Variants in PPFIBP2 observed in about 807,000 individuals in gnomAD.
PPFIBP2 encodes the protein PPFIB scaffold protein 2.
In PPFIBP2, 118 loss-of-function variants were observed where a neutral mutation model predicts 118.3. The ratio of observed to expected loss-of-function variants is 1.00; its 90% CI spans 0.86 to 1.16. The LOEUF (loss-of-function observed/expected upper bound fraction) is 1.16, where lower values mean the gene tolerates loss of function less well. Among genes scored for constraint, PPFIBP2 ranks in the 50% most tolerant of loss-of-function variants. The pLI is 0.00. For missense variants in PPFIBP2, 1,195 were observed against 1,073.1 expected (o/e 1.11, Z -1.59); for synonymous variants, 414 against 397.4 (o/e 1.04, Z -0.50).
At chr11:7,528,419 C>T (rs1850405266) in intron 1 of PPFIBP2, among the ~76,000 whole-genome samples, 1 of 152,226 alleles carries the variant, frequency 6.6e-6, no homozygotes, top group Non-Finnish European at 1.5e-5. Context: ...AGTATTTTCT[C>T]ATCCCTTCAA....
intron 1 of PPFIBP2, among the ~76,000 whole-genome samples, chr11:7,520,291 T>G (rs1217713528): frequency 1.3e-5 from 2 of 152,106 alleles, no homozygotes. Flanking sequence ...GGCCTCCCTT[T>G]TGGTTTTCAG....
intron 7 of PPFIBP2, among the ~76,000 whole-genome samples, chr11:7,624,884 A>G (rs1849780579): frequency 6.6e-6 from 1 of 152,230 alleles, no homozygotes; most frequent in African/African-American, 2.4e-5. Flanking sequence ...TACTTGCTCA[A>G]GGTCACCCAA....
chr11:7,585,093 G>GAGCCATC (rs1857894821), intron 3 of PPFIBP2, among the ~76,000 whole-genome samples: 1 of 152,192 alleles, frequency 6.6e-6, no homozygotes, highest in African/African-American at 2.4e-5. Flanking sequence ...TACAGGCAAA[G>GAGCCATC]AGCCATCATA....
At chr11:7,649,940 G>T (rs1853727233) in intron 21 of PPFIBP2, among the ~76,000 whole-genome samples, 1 of 152,174 alleles carries the variant, frequency 6.6e-6, no homozygotes, top group Admixed American at 6.5e-5. Context: ...AAGGAGAGGG[G>T]GAGGGAAAGA....
intron 4 of PPFIBP2, among the ~76,000 whole-genome samples, chr11:7,593,789 G>A (rs973384089): frequency 1.3e-5 from 2 of 152,144 alleles, no homozygotes; most frequent in South Asian, 4.1e-4. Flanking sequence ...GATCATCAAG[G>A]GAGCTTTTTC....
At chr11:7,632,825 A>T in intron 11 of PPFIBP2, 42 bp from the exon 12 acceptor site, 4 of 1,536,838 alleles carry the variant, frequency 2.6e-6, no homozygotes, top group Non-Finnish European at 3.6e-6. Flanking sequence ...GTGGTCCCCA[A>T]ACAGACTGTC....
intron 16 of PPFIBP2, 128 bp downstream of exon 16, chr11:7,641,748 A>G: frequency 1.0e-6 from 1 of 971,124 alleles, no homozygotes; most frequent in Non-Finnish European, 1.5e-6. Flanking sequence ...TTCATGTTCA[A>G]AGAGAAGAAT....
rs763512460 is a variant in PPFIBP2, at chr11:7,642,359, C to T, written c.1579C>T (p.Arg527Ter). 22 of 1,614,008 alleles carry T rather than the reference C, an allele frequency of 1.4e-5. No homozygotes were observed. The highest frequency in any genetic ancestry group is 7.7e-5 in the South Asian group (7 of 91,068). Reference protein sequence around the residue: ...TDTLGMAEFRRGGLRATAGPR... With the variant: ...TDTLGMAEFR Reference sequence around the variant, plus strand: ...CACGCTGGGGATGGCAGAGTTTCGACGAGGTGGGCTCCGGGCAACCGCAGG... The same window carrying T: ...CACGCTGGGGATGGCAGAGTTTCGATGAGGTGGGCTCCGGGCAACCGCAGG... The change falls in exon 17 of 24, where the codon CGA (arginine) becomes TGA (stop). Residue 527 changes from arginine (R) to a stop codon, truncating the protein, a stop_gained. Transcript: ENST00000299492. LOFTEE classifies it high-confidence loss of function.
intron 5 of PPFIBP2, among the ~76,000 whole-genome samples, chr11:7,606,928 T>TTTTG (rs1847426812): frequency 9.3e-6 from 1 of 107,040 alleles, no homozygotes; most frequent in Non-Finnish European, 1.8e-5. Context: ...TTTTTTTTTT[T>TTTTG]GAGACAGAGT....
At chr11:7,589,883 C>T (rs1044060542) in intron 3 of PPFIBP2, among the ~76,000 whole-genome samples, 12 of 152,338 alleles carry the variant, frequency 7.9e-5, no homozygotes, top group African/African-American at 2.6e-4. Flanking sequence ...GTTGACCAAG[C>T]AAGCTGTCTT....
chr11:7,609,790 T>G (rs920972724), intron 5 of PPFIBP2, among the ~76,000 whole-genome samples: 7 of 152,198 alleles, frequency 4.6e-5, no homozygotes, highest in African/African-American at 1.7e-4. Flanking sequence ...TCTTTGCACA[T>G]CTACTTTGTG....
At chr11:7,563,772 C>T (rs1854614350) in intron 2 of PPFIBP2, among the ~76,000 whole-genome samples, 1 of 152,186 alleles carries the variant, frequency 6.6e-6, no homozygotes, top group Non-Finnish European at 1.5e-5. Context: ...CACAGACTTC[C>T]TTTGTTAGAC....
At chr11:7,586,616 A>G (rs1030424440) in intron 3 of PPFIBP2, among the ~76,000 whole-genome samples, 1 of 152,194 alleles carries the variant, frequency 6.6e-6, no homozygotes, top group Non-Finnish European at 1.5e-5. Flanking sequence ...AAAGCCTGAG[A>G]TGAGGTAACC....
Position 7,653,025 on chromosome 11 carries a change from C to G in PPFIBP2, c.2438C>G (p.Pro813Arg). 2 of 1,605,708 alleles carry G rather than the reference C, an allele frequency of 1.2e-6. No homozygotes were observed. Among genetic ancestry groups the G allele is most frequent in the Non-Finnish European group, 8.5e-7 (1 of 1,173,892 alleles). ...AATCTTGCATTTTCTGTGTTTTAGC[C>G]AAGGAAACTAGGATTTTCACACTTC... ...TPLTTTAKVR[P>R]RKLGFSHFGN... The change falls in exon 24 of 24, where the codon CCA becomes CGA. Residue 813 changes from proline to arginine, a missense_variant and splice_region_variant. By Grantham distance (103) the Pro-to-Arg change is moderately radical (BLOSUM62 -2). Transcript: ENST00000299492.
At chr11:7,634,690 A>G in intron 13 of PPFIBP2, 138 bp downstream of exon 13, 1 of 697,332 alleles carries the variant, frequency 1.4e-6, no homozygotes, top group African/African-American at 1.8e-5. Flanking sequence ...GAATTACATG[A>G]ACATTTTGAG....
chr11:7,645,165 G>A (rs1283800631), intron 17 of PPFIBP2, among the ~76,000 whole-genome samples: 2 of 152,094 alleles, frequency 1.3e-5, no homozygotes, highest in Non-Finnish European at 2.9e-5. Context: ...CAGCTGTGGG[G>A]GTTTTGGAGG....
chr11:7,656,866 G>A, downstream of PPFIBP2: 2 of 1,157,612 alleles, frequency 1.7e-6, no homozygotes, highest in Non-Finnish European at 2.3e-6. Context: ...TCTGTGGGGA[G>A]CGGGCACACA....
intron 4 of PPFIBP2, among the ~76,000 whole-genome samples, chr11:7,594,703 G>A (rs894561126): frequency 1.3e-5 from 2 of 149,962 alleles, no homozygotes; most frequent in Non-Finnish European, 3.0e-5. Context: ...AATCACCTGA[G>A]GTTAGGAGTT....
intron 1 of PPFIBP2, among the ~76,000 whole-genome samples, chr11:7,546,615 A>G (rs1342849219): frequency 6.6e-6 from 1 of 152,196 alleles, no homozygotes; most frequent in African/African-American, 2.4e-5. Flanking sequence ...CCTCTCATGC[A>G]TTGCCCTTGT....
Sources: allele counts gnomAD v4.1 joint callset (sites outside exome capture counted in the v4.1 genomes callset), GRCh38; gene constraint gnomAD v4.1.1; transcripts MANE v1.5; gene names NCBI Gene and HGNC (gene_info 2026-07-23, HGNC 2026-07-21).